Variants in UBE2V2 observed in about 807,000 individuals in gnomAD.
UBE2V2 encodes the protein ubiquitin conjugating enzyme E2 V2, also known as ubiquitin-conjugating enzyme E2 variant 2.
A neutral mutation model predicts 17.2 loss-of-function variants in UBE2V2; 9 were observed. The observed-to-expected ratio is 0.52, with a 90% CI of 0.32 to 0.91. UBE2V2 has a LOEUF of 0.91. UBE2V2 is among the 40% of genes least tolerant of loss of function. The pLI is 0.04. For missense variants in UBE2V2, 133 were observed against 182.6 expected, an observed-to-expected ratio of 0.73 and a Z score of 1.56; for synonymous variants, 61 against 57.5, an observed-to-expected ratio of 1.06 and a Z score of -0.28.
At position 48,063,904 on chromosome 8, in the gene UBE2V2, A is replaced by G. The variant is rs748341671; in HGVS notation, c.*3076A>G. On this transcript the variant is annotated 3_prime_UTR_variant, in exon 4 of 4. Transcript: ENST00000523111. Reference sequence around the variant, plus strand: ...AATTCCCACTAAATATATAATATTGATAAATACATGTGAAATTAATATTGT... The same window carrying G: ...AATTCCCACTAAATATATAATATTGGTAAATACATGTGAAATTAATATTGT... The G allele has an allele frequency of 6.6e-5, 10 of 152,230 alleles. No homozygotes were observed. Among genetic ancestry groups the G allele is most frequent in the Non-Finnish European group, 1.5e-4 (10 of 68,048 alleles). The allele number at this position is 152,230 out of a possible 1,614,324, so 9.4% of individuals were successfully genotyped here. A position where few individuals can be genotyped will look rare whatever the true frequency, so the allele number is the denominator to read the frequency against.
upstream of UBE2V2, among the ~76,000 whole-genome samples, chr8:48,007,231 T>G (rs1000350458): frequency 5.2e-4 from 79 of 152,068 alleles, no homozygotes; most frequent in African/African-American, 1.8e-3. Flanking sequence ...ACCACTCCTA[T>G]TCAACATAGT....
chr8:48,013,645 T>C (rs189957780), intron 1 of UBE2V2, among the ~76,000 whole-genome samples: 6 of 152,282 alleles, frequency 3.9e-5, no homozygotes, highest in Non-Finnish European at 4.4e-5. Flanking sequence ...TTAGGTAATA[T>C]TAATGGTACA....
At position 48,043,041 on chromosome 8, in the gene UBE2V2, G is replaced by A; in HGVS notation, c.25G>A (p.Val9Ile). ...GACGTTCTTTTGTATAGGAGTTAAA[G>A]TTCCTCGTAATTTTCGCTTGTTGGA... MAVSTGVKVPRNFRLLEEL... is the reference protein window; with the variant it reads MAVSTGVKIPRNFRLLEEL... Residue 9 changes from valine to isoleucine, a missense_variant, in exon 2 of 4, where the codon GTT becomes ATT. Physicochemically the swap from Val to Ile is conservative, Grantham distance 29. Transcript: ENST00000523111. 2 of 1,566,566 alleles carry A rather than the reference G, an allele frequency of 1.3e-6. No individual in the cohort carries two copies. Among genetic ancestry groups the A allele is most frequent in the African/African-American group, 2.7e-5 (2 of 73,754 alleles).
chr8:48,050,338 G>T (rs1222499766), intron 3 of UBE2V2: 2 of 153,186 alleles, frequency 1.3e-5, no homozygotes, highest in South Asian at 4.1e-4. Flanking sequence ...GGCTTCAAGT[G>T]ATTCTCCTGC....
chr8:48,048,099 A>G (rs1053144251), intron 2 of UBE2V2, among the ~76,000 whole-genome samples: 3 of 150,610 alleles, frequency 2.0e-5, no homozygotes, highest in East Asian at 2.0e-4. Flanking sequence ...TGTTACCCCT[A>G]CTGAGATACA....
chr8:48,032,514 A>T (rs1338961556), intron 1 of UBE2V2, among the ~76,000 whole-genome samples: 1 of 152,160 alleles, frequency 6.6e-6, no homozygotes, highest in Non-Finnish European at 1.5e-5. Context: ...GTACTTTGGG[A>T]GGCTGAGGCA....
upstream of UBE2V2, among the ~76,000 whole-genome samples, chr8:48,006,900 G>A (rs1352062631): frequency 1.3e-5 from 2 of 152,018 alleles, no homozygotes; most frequent in Non-Finnish European, 2.9e-5. Flanking sequence ...TTTTGAGATG[G>A]AGTCTCGCTC....
chr8:48,015,662 C>G (rs1310537413), intron 1 of UBE2V2, among the ~76,000 whole-genome samples: 1 of 152,112 alleles, frequency 6.6e-6, no homozygotes, highest in Admixed American at 6.6e-5. Flanking sequence ...CCCAACCATC[C>G]TAACCTCTGG....
chr8:48,004,029 T>G (rs940676771), upstream of UBE2V2, among the ~76,000 whole-genome samples: 7 of 152,132 alleles, frequency 4.6e-5, no homozygotes, highest in Non-Finnish European at 7.3e-5. Flanking sequence ...GGGTGGTAAA[T>G]GGACCATTTT....
intron 1 of UBE2V2, among the ~76,000 whole-genome samples, chr8:48,031,827 A>G (rs886467884): frequency 6.6e-6 from 1 of 152,024 alleles, no homozygotes; most frequent in Non-Finnish European, 1.5e-5. Context: ...TTGTATTTTT[A>G]GTAGAGACGG....
intron 1 of UBE2V2, among the ~76,000 whole-genome samples, chr8:48,014,402 T>C (rs374163762): frequency 3.3e-5 from 5 of 152,016 alleles, no homozygotes; most frequent in African/African-American, 1.2e-4. Flanking sequence ...CCCAGCACTT[T>C]GGGAGGCTGA....
At chr8:48,021,397 C>T (rs1267897560) in intron 1 of UBE2V2, among the ~76,000 whole-genome samples, 3 of 150,422 alleles carry the variant, frequency 2.0e-5, no homozygotes, top group Admixed American at 1.3e-4. Context: ...AGCTCTGCCT[C>T]CCAGGTTCAT....
chr8:48,043,956 C>G (rs1001869984), intron 2 of UBE2V2, among the ~76,000 whole-genome samples: 1 of 148,220 alleles, frequency 6.7e-6, no homozygotes, highest in African/African-American at 2.5e-5. Flanking sequence ...GCATTCCTTA[C>G]TTAATGGTCC....
rs771072960 is a variant in UBE2V2, at chr8:48,008,438, T to G, written c.-17T>G. ...TCGTGCGTGCGTGCGGGCGGCTGCGTCGGGCTGCAGGAGAAGATGGCGGTC... is the reference window on the plus strand; with the variant it reads ...TCGTGCGTGCGTGCGGGCGGCTGCGGCGGGCTGCAGGAGAAGATGGCGGTC... On this transcript the variant is annotated 5_prime_UTR_variant, in exon 1 of 4. Coordinates refer to ENST00000523111, the MANE Select transcript of UBE2V2 (RefSeq NM_003350.3). 7 of 1,564,910 alleles carry G rather than the reference T, an allele frequency of 4.5e-6. No individual in the cohort carries two copies. Among genetic ancestry groups the G allele is most frequent in the African/African-American group, 1.4e-5 (1 of 70,420 alleles).
Position 48,043,043 on chromosome 8 carries a change from T to C in UBE2V2, c.27T>C (p.Val9=). Residue 9 remains valine, a synonymous_variant, in exon 2 of 4, where the codon GTT becomes GTC. Transcript: ENST00000523111. MAVSTGVK[V]PRNFRLLEEL... ...CGTTCTTTTGTATAGGAGTTAAAGT[T>C]CCTCGTAATTTTCGCTTGTTGGAAG... is the stretch of plus-strand genomic sequence containing the variant. 6.4e-7 allele frequency: 1 copy of C among 1,566,230 alleles called. No homozygotes were observed. The highest frequency in any genetic ancestry group is 2.2e-5 in the East Asian group (1 of 44,622).
intron 1 of UBE2V2, among the ~76,000 whole-genome samples, chr8:48,035,631 T>TTTTTTTTG (rs1554657539): frequency 9.1e-6 from 1 of 109,524 alleles, no homozygotes; most frequent in African/African-American, 3.4e-5. Flanking sequence ...TTTTTTTTTT[T>TTTTTTTTG]TGTGTGTGTG....
At chr8:48,049,354 C>G (rs1014429039) in intron 2 of UBE2V2, among the ~76,000 whole-genome samples, 1 of 150,980 alleles carries the variant, frequency 6.6e-6, no homozygotes, top group African/African-American at 2.5e-5. Context: ...CCAACAAGAC[C>G]CTTTTGAGAA....
intron 1 of UBE2V2, among the ~76,000 whole-genome samples, chr8:48,039,808 C>T (rs45531731): frequency 0.013 from 1,961 of 152,096 alleles, 41 homozygotes; most frequent in African/African-American, 0.045. Context: ...TCACAGATCA[C>T]TGCAGTCTTG....
At chr8:48,029,005 C>G (rs1245473258) in intron 1 of UBE2V2, among the ~76,000 whole-genome samples, 1 of 151,938 alleles carries the variant, frequency 6.6e-6, no homozygotes. Flanking sequence ...CATTTAAATG[C>G]AGATTCTGGC....
Sources: allele counts gnomAD v4.1 joint callset (sites outside exome capture counted in the v4.1 genomes callset), GRCh38; gene constraint gnomAD v4.1.1; transcripts MANE v1.5; gene names NCBI Gene and HGNC (gene_info 2026-07-23, HGNC 2026-07-21).